Variants in TCF7L1 observed in about 807,000 individuals in gnomAD.
TCF7L1 encodes the protein transcription factor 7-like 1.
In TCF7L1, 18 loss-of-function variants were observed where a neutral mutation model predicts 63.7. The ratio of observed to expected loss-of-function variants is 0.28; its 90% CI spans 0.20 to 0.42. The LOEUF is 0.42. Among genes scored for constraint, TCF7L1 ranks in the 10% least tolerant of loss-of-function variants. TCF7L1 has a pLI of 1.00. For missense variants in TCF7L1, 654 were observed against 779.3 expected (o/e 0.84, Z 1.91); for synonymous variants, 355 against 340.9 (o/e 1.04, Z -0.46).
At chr2:85,289,410 TAG>T (rs1310500196) in intron 4 of TCF7L1, among the ~76,000 whole-genome samples, 6 of 152,206 alleles carry the variant, frequency 3.9e-5, no homozygotes, top group Admixed American at 1.3e-4. Context: ...TCCAAAACTT[TAG>T]AGTGACTTAA....
At chr2:85,277,065 TG>T (rs201892048) in intron 3 of TCF7L1, among the ~76,000 whole-genome samples, 4 of 150,828 alleles carry the variant, frequency 2.7e-5, no homozygotes, top group African/African-American at 7.3e-5. Context: ...GCAGCTGGGG[TG>T]GGGGGCGGTG....
intron 3 of TCF7L1, among the ~76,000 whole-genome samples, chr2:85,194,043 T>A (rs1447354694): frequency 6.8e-6 from 1 of 146,866 alleles, no homozygotes; most frequent in African/African-American, 2.5e-5. Flanking sequence ...GGCTATGGGA[T>A]GGAGAGGGGT....
chr2:85,256,930 C>T (rs959988140), intron 3 of TCF7L1, among the ~76,000 whole-genome samples: 1 of 151,920 alleles, frequency 6.6e-6, no homozygotes, highest in Non-Finnish European at 1.5e-5. Flanking sequence ...TTGCACTGAG[C>T]TGAGATCGCA....
In TCF7L1 at chr2:85,246,138, G is replaced by A. The variant is rs534269985; in HGVS notation, c.442-37357G>A. Reference sequence around the variant, plus strand: ...TCTCCAGATGTAACAGTGCCATCCCGGCAAGTGAAATCATGCATTGGGAAA... The same window carrying A: ...TCTCCAGATGTAACAGTGCCATCCCAGCAAGTGAAATCATGCATTGGGAAA... On this transcript the variant is annotated intron_variant, in intron 3 of 11. Transcript: ENST00000282111. Among the ~76,000 whole-genome samples the A allele has an allele frequency of 1.9e-4, 29 of 152,312 alleles. No individual in the cohort carries two copies. The South Asian group carries it at 4.6e-3, about 24-fold the overall frequency.
At chr2:85,260,195 T>C (rs539904033) in intron 3 of TCF7L1, among the ~76,000 whole-genome samples, 1 of 152,356 alleles carries the variant, frequency 6.6e-6, no homozygotes, top group African/African-American at 2.4e-5. Context: ...ATGATGATCA[T>C]AGCTGATAGC....
chr2:85,173,884 G>T (rs1056301256), intron 3 of TCF7L1, among the ~76,000 whole-genome samples: 1 of 151,962 alleles, frequency 6.6e-6, no homozygotes, highest in Non-Finnish European at 1.5e-5. Context: ...TTACAGACCC[G>T]CACCACCACG....
intron 6 of TCF7L1, 68 bp downstream of exon 6, chr2:85,304,065 G>A (rs1187089906): frequency 2.3e-5 from 31 of 1,366,722 alleles, no homozygotes; most frequent in Admixed American, 1.4e-4. Flanking sequence ...TGTGCCCTGC[G>A]CGCCCTGCAC....
In TCF7L1 at chr2:85,304,337, A is replaced by C; in HGVS notation, c.844A>C (p.Ser282Arg). 6.2e-7 allele frequency: 1 copy of C among 1,613,896 alleles called. No homozygotes were observed. The highest frequency in any genetic ancestry group is 8.5e-7 in the Non-Finnish European group (1 of 1,179,936). The change falls in exon 7 of 12, where the codon AGC (serine) becomes CGC (arginine). Residue 282 changes from serine to arginine, a missense_variant and splice_region_variant. By Grantham distance (110) the Ser-to-Arg change is moderately radical (BLOSUM62 -1). This residue lies in a region of TCF7L1 where 404 missense variants were observed against 454.8 expected (regional missense o/e 0.89). Coordinates refer to ENST00000282111, the MANE Select transcript of TCF7L1 (RefSeq NM_031283.3). ...PALAMNASMS[S>R]LVSSRFSPHM... ...CCTCGCCATGAACGCCTCGATGTCC[A>C]GGTGAGTCCCGGGGCTGGGGCTGTC...
At chr2:85,212,834 A>G (rs947314752) in intron 3 of TCF7L1, among the ~76,000 whole-genome samples, 5 of 152,164 alleles carry the variant, frequency 3.3e-5, no homozygotes, top group Admixed American at 1.3e-4. Context: ...CCCGCTGAGC[A>G]GGCTGTGGGC....
intron 3 of TCF7L1, among the ~76,000 whole-genome samples, chr2:85,244,695 G>A (rs887283229): frequency 6.6e-6 from 1 of 152,260 alleles, no homozygotes; most frequent in Non-Finnish European, 1.5e-5. Context: ...GGGTAATTGG[G>A]TCTAGAAGTC....
chr2:85,137,818 G>A (rs1201845817), intron 3 of TCF7L1, among the ~76,000 whole-genome samples: 4 of 151,598 alleles, frequency 2.6e-5, no homozygotes, highest in African/African-American at 7.3e-5. Context: ...TCTTAAACCC[G>A]GGAGGCAGAG....
intron 3 of TCF7L1, among the ~76,000 whole-genome samples, chr2:85,223,858 A>T (rs910918397): frequency 1.3e-5 from 2 of 152,160 alleles, no homozygotes; most frequent in Non-Finnish European, 2.9e-5. Flanking sequence ...TTACATAGGT[A>T]TACATGTGCC....
intron 3 of TCF7L1, among the ~76,000 whole-genome samples, chr2:85,244,586 T>C (rs901217153): frequency 5.3e-5 from 8 of 152,018 alleles, no homozygotes; most frequent in Admixed American, 4.6e-4. Context: ...GAGAAGACTG[T>C]GGGAGGGGCA....
intron 3 of TCF7L1, among the ~76,000 whole-genome samples, chr2:85,143,869 G>A (rs1260657653): frequency 6.6e-6 from 1 of 152,234 alleles, no homozygotes; most frequent in Non-Finnish European, 1.5e-5. Flanking sequence ...GTAGAAGCGA[G>A]TGACAGTTGT....
At chr2:85,307,615 A>T in intron 10 of TCF7L1, 27 bp from the exon 11 acceptor site, 1 of 1,607,080 alleles carries the variant, frequency 6.2e-7, no homozygotes, top group South Asian at 1.1e-5. Context: ...CTCCCAGCTT[A>T]CCTCTTCCTT....
At chr2:85,258,749 G>C (rs902187706) in intron 3 of TCF7L1, among the ~76,000 whole-genome samples, 1 of 152,264 alleles carries the variant, frequency 6.6e-6, no homozygotes, top group South Asian at 2.1e-4. Flanking sequence ...GCAGATATTG[G>C]GGTTGGGGGG....
chr2:85,162,180 A>T (rs1363154404), intron 3 of TCF7L1, among the ~76,000 whole-genome samples: 1 of 152,128 alleles, frequency 6.6e-6, no homozygotes, highest in Non-Finnish European at 1.5e-5. Flanking sequence ...GGCTGCAGTG[A>T]AGTATGATTA....
At position 85,306,615 on chromosome 2, in the gene TCF7L1, A is replaced by G; in HGVS notation, c.1257+56A>G. The stretch of plus-strand genomic sequence containing the variant: ...AGACCCCAGGAACAGCCTCTGCAAG[A>G]GGAGGAAGGGTGAAGGAAAGCAACT... On this transcript the variant is annotated intron_variant, in intron 10 of 11. Coordinates refer to ENST00000282111, the MANE Select transcript of TCF7L1 (RefSeq NM_031283.3). This position sits in a 1 kb window ranked among gnomAD's most constrained non-coding sequence, Gnocchi z 4.3. The G allele has an allele frequency of 7.0e-7, 1 of 1,424,858 alleles. No homozygotes were observed. The highest frequency in any genetic ancestry group is 1.2e-5 in the South Asian group (1 of 85,982). 88.3% of individuals were successfully genotyped at this position (1,424,858 alleles called of 1,614,324 possible).
intron 3 of TCF7L1, among the ~76,000 whole-genome samples, chr2:85,188,944 A>G (rs930173173): frequency 2.6e-5 from 4 of 152,158 alleles, no homozygotes; most frequent in African/African-American, 9.7e-5. Flanking sequence ...TCCTTATAGT[A>G]TTGCATTATG....
Sources: gnomAD v4.1 joint callset for allele counts (sites outside exome capture counted in the v4.1 genomes callset) on GRCh38, gnomAD v4.1.1 for gene constraint, gnomAD v4.1.1 regional missense constraint, Gnocchi (gnomAD v3.1) non-coding constraint, MANE v1.5 for transcripts, NCBI Gene and HGNC (gene_info 2026-07-23, HGNC 2026-07-21) for gene names.